Variants in GPC6 observed in about 807,000 individuals in gnomAD.
GPC6 encodes the protein glypican 6, also known as glypican-6.
A neutral mutation model predicts 55.2 loss-of-function variants in GPC6; 14 were observed. The ratio of observed to expected loss-of-function variants is 0.25; its 90% CI spans 0.17 to 0.40. GPC6 has a LOEUF of 0.40. Ranked by LOEUF, GPC6 falls within the 10% of genes least tolerant of loss-of-function variation. GPC6 has a pLI of 1.00. For synonymous variants in GPC6, 278 were observed against 259.6 expected (o/e 1.07, Z -0.68); for missense variants, 641 against 708.5 (o/e 0.90, Z 1.08).
At chr13:93,393,178 G>A (rs556424902) in intron 1 of GPC6, among the ~76,000 whole-genome samples, 24 of 147,092 alleles carry the variant, frequency 1.6e-4, no homozygotes, top group Admixed American at 6.8e-4. Context: ...TCTCACTGTC[G>A]TCTGGGCTGG....
intron 1 of GPC6, among the ~76,000 whole-genome samples, chr13:93,539,422 A>G (rs963216867): frequency 1.3e-5 from 2 of 152,178 alleles, no homozygotes; most frequent in Admixed American, 6.6e-5. Flanking sequence ...GACCAAGCAT[A>G]TATCATGGAG....
intron 2 of GPC6, among the ~76,000 whole-genome samples, chr13:93,719,253 T>C (rs1883363087): frequency 6.6e-6 from 1 of 152,122 alleles, no homozygotes; most frequent in Non-Finnish European, 1.5e-5. Context: ...TCCTCTGTTA[T>C]TTCCTTGAGC....
intron 1 of GPC6, among the ~76,000 whole-genome samples, chr13:93,244,499 A>G (rs1876534823): frequency 6.6e-6 from 1 of 152,216 alleles, no homozygotes; most frequent in Non-Finnish European, 1.5e-5. Context: ...GTTAGCTAGC[A>G]GATTTTCACG....
intron 3 of GPC6, among the ~76,000 whole-genome samples, chr13:94,014,362 G>A (rs949586483): frequency 4.6e-5 from 7 of 152,232 alleles, no homozygotes; most frequent in East Asian, 3.9e-4. Context: ...TATTTAGATC[G>A]TTTCTTTTTT....
intron 2 of GPC6, among the ~76,000 whole-genome samples, chr13:93,813,807 A>T (rs568268552): frequency 7.8e-4 from 118 of 151,814 alleles, no homozygotes; most frequent in African/African-American, 2.2e-3. Context: ...ATTTTTTTTT[A>T]AAAAATGAGC....
At chr13:93,453,997 G>C (rs911343750) in intron 1 of GPC6, among the ~76,000 whole-genome samples, 2 of 152,132 alleles carry the variant, frequency 1.3e-5, no homozygotes, top group Non-Finnish European at 2.9e-5. Flanking sequence ...ACAGGGCGCT[G>C]ATTGGTGCAT....
intron 4 of GPC6, among the ~76,000 whole-genome samples, chr13:94,176,346 A>C (rs1231310389): frequency 2.0e-5 from 3 of 152,126 alleles, no homozygotes; most frequent in Non-Finnish European, 4.4e-5. Flanking sequence ...GATCTTTTAT[A>C]CCTCTAAAGG....
At chr13:93,580,783 T>C (rs1282748370) in intron 2 of GPC6, among the ~76,000 whole-genome samples, 1 of 152,180 alleles carries the variant, frequency 6.6e-6, no homozygotes, top group African/African-American at 2.4e-5. Context: ...TCATATTTAA[T>C]CTCCTATTCA....
intron 3 of GPC6, among the ~76,000 whole-genome samples, chr13:93,972,973 G>GTC (rs144858036): frequency 1.2e-4 from 17 of 141,458 alleles, no homozygotes; most frequent in South Asian, 2.3e-4. Flanking sequence ...CTCCCTCTCT[G>GTC]TCTCTCTCTC....
intron 2 of GPC6, among the ~76,000 whole-genome samples, chr13:93,615,087 A>T (rs999818519): frequency 6.6e-6 from 1 of 152,104 alleles, no homozygotes; most frequent in Admixed American, 6.6e-5. Flanking sequence ...ATATTGTACA[A>T]TTTTTGTTTT....
chr13:94,061,140 G>A (rs1197649374), intron 4 of GPC6, among the ~76,000 whole-genome samples: 1 of 152,174 alleles, frequency 6.6e-6, no homozygotes, highest in Non-Finnish European at 1.5e-5. Flanking sequence ...CAGGTGGGTT[G>A]TAAAATAAAT....
At chr13:94,280,119 G>T (rs1043070652) in intron 4 of GPC6, among the ~76,000 whole-genome samples, 1 of 152,068 alleles carries the variant, frequency 6.6e-6, no homozygotes. Context: ...ATAAATCTGG[G>T]TGCTCTTTGA....
At chr13:93,731,097 A>T (rs1448648832) in intron 2 of GPC6, among the ~76,000 whole-genome samples, 1 of 152,130 alleles carries the variant, frequency 6.6e-6, no homozygotes, top group Non-Finnish European at 1.5e-5. Flanking sequence ...ATACAGTGGG[A>T]TACAATGAAG....
At chr13:93,351,048 C>T (rs1298269803) in intron 1 of GPC6, among the ~76,000 whole-genome samples, 2 of 151,968 alleles carry the variant, frequency 1.3e-5, no homozygotes, top group Non-Finnish European at 2.9e-5. Flanking sequence ...CAGTAATAAA[C>T]ACATGTCTTA....
intron 1 of GPC6, among the ~76,000 whole-genome samples, chr13:93,536,682 A>G (rs1312952605): frequency 2.0e-5 from 3 of 152,280 alleles, no homozygotes; most frequent in South Asian, 2.1e-4. Context: ...TGCCAACCCC[A>G]TAGCTTGAAC....
chr13:93,772,117 C>T (rs558669676), intron 2 of GPC6, among the ~76,000 whole-genome samples: 2 of 152,084 alleles, frequency 1.3e-5, no homozygotes, highest in Admixed American at 6.6e-5. Context: ...GCTCAGTGCA[C>T]TTTTGAGAAT....
intron 2 of GPC6, among the ~76,000 whole-genome samples, chr13:93,625,786 C>T (rs1879176164): frequency 6.6e-6 from 1 of 152,196 alleles, no homozygotes; most frequent in Non-Finnish European, 1.5e-5. Flanking sequence ...GCTCTTTCCC[C>T]TGGGAATTCT....
intron 7 of GPC6, among the ~76,000 whole-genome samples, chr13:94,392,075 T>C (rs1383804519): frequency 6.6e-6 from 1 of 152,352 alleles, no homozygotes; most frequent in African/African-American, 2.4e-5. Flanking sequence ...TTGGTTATTA[T>C]GAATGGTACT....
rs1881301041 is a variant in GPC6 at position 94,404,776 on chromosome 13, A to C, written c.*1559A>C. ...GGATTCCTGCCTGGCACTTGGATAC[A>C]TTACCTAACTCAATAGGCCAGTTTA... On this transcript the variant is annotated 3_prime_UTR_variant, in exon 9 of 9. Coordinates refer to ENST00000377047, the MANE Select transcript of GPC6 (RefSeq NM_005708.5). 6.6e-6 allele frequency: 1 copy of C among 152,228 alleles called. No homozygotes were observed. The highest frequency in any genetic ancestry group is 6.5e-5 in the Admixed American group (1 of 15,286). The allele number at this position is 152,228 out of a possible 1,614,324, so 9.4% of individuals were successfully genotyped here. A position where few individuals can be genotyped will look rare whatever the true frequency, so the allele number is the denominator to read the frequency against.
Sources: allele counts gnomAD v4.1 joint callset (sites outside exome capture counted in the v4.1 genomes callset), GRCh38; gene constraint gnomAD v4.1.1; transcripts MANE v1.5; gene names NCBI Gene and HGNC (gene_info 2026-07-23, HGNC 2026-07-21).